Variants in RAD51B observed in about 807,000 individuals in gnomAD.
RAD51B encodes the protein DNA repair protein RAD51 homolog 2.
In RAD51B, 38 loss-of-function variants were observed where a neutral mutation model predicts 42.2. The ratio of observed to expected loss-of-function variants is 0.90; its 90% confidence interval spans 0.70 to 1.18. The LOEUF is 1.18. Among genes scored for constraint, RAD51B ranks in the 50% most tolerant of loss-of-function variants. RAD51B has a pLI of 0.00. For missense variants in RAD51B, 373 were observed against 400.7 expected, an observed-to-expected ratio of 0.93 and a Z score of 0.59; for synonymous variants, 154 against 145.2, an observed-to-expected ratio of 1.06 and a Z score of -0.43.
At chr14:67,931,340 C>T (rs952084580) in intron 7 of RAD51B, among the ~76,000 whole-genome samples, 1 of 152,050 alleles carries the variant, frequency 6.6e-6, no homozygotes, top group African/African-American at 2.4e-5. Flanking sequence ...TCTTCAGTTC[C>T]AAAATTTTGG....
At chr14:67,968,938 G>T (rs2074840431) in intron 7 of RAD51B, among the ~76,000 whole-genome samples, 1 of 152,116 alleles carries the variant, frequency 6.6e-6, no homozygotes, top group African/African-American at 2.4e-5. Context: ...GGTTTAATTG[G>T]ACTTACAGTT....
chr14:68,057,816 GTTCTT>G (rs2076501259), intron 7 of RAD51B, among the ~76,000 whole-genome samples: 1 of 103,648 alleles, frequency 9.6e-6, no homozygotes, highest in South Asian at 3.4e-4. Flanking sequence ...TAACCTTTTA[GTTCTT>G]TGTGTGTGTG....
At chr14:68,539,748 T>C (rs1017553569) in intron 10 of RAD51B, among the ~76,000 whole-genome samples, 1 of 152,226 alleles carries the variant, frequency 6.6e-6, no homozygotes, top group Non-Finnish European at 1.5e-5. Flanking sequence ...AATCATTCTT[T>C]GGCCGCTGTC....
chr14:67,831,172 G>A (rs1259155443), intron 3 of RAD51B, among the ~76,000 whole-genome samples: 2 of 151,586 alleles, frequency 1.3e-5, no homozygotes, highest in African/African-American at 4.9e-5. Context: ...ACCGCCCCCG[G>A]CCAGTACTTG....
At position 68,399,886 on chromosome 14, in the gene RAD51B, G is replaced by A. The variant is rs141036581; in HGVS notation, c.854-11538G>A. ...CAGTTTTTTCCAGGATGCAGTCCAG[G>A]ATTAGACATGGCATTTTAGTTGAAA... On this transcript the variant is annotated intron_variant, in intron 8 of 10. Coordinates refer to ENST00000471583, the MANE Select transcript of RAD51B (RefSeq NM_133510.4). 5.2e-3 allele frequency among the ~76,000 whole-genome samples: 796 copies of A among 152,286 alleles called. 4 individuals are homozygous for A. The highest frequency in any genetic ancestry group is 7.5e-3 in the Non-Finnish European group (513 of 68,016).
intron 7 of RAD51B, among the ~76,000 whole-genome samples, chr14:68,022,987 C>CT (rs1168064285): frequency 3.3e-5 from 5 of 152,142 alleles, no homozygotes; most frequent in Admixed American, 2.6e-4. Context: ...TGATCTCATT[C>CT]TTTTTTATGG....
Position 68,164,654 on chromosome 14 carries a change from G to A in RAD51B, c.757-127230G>A, listed in dbSNP as rs576273630. 3.3e-5 allele frequency among the ~76,000 whole-genome samples: 5 copies of A among 152,268 alleles called. No individual in the cohort carries two copies. The East Asian group carries it at 9.6e-4, about 29-fold the overall frequency. ...ACTGTTTTTCTGTTGGGTTGAAGTG[G>A]GAAAACAGCTTTGGAACTGCTTTTG... On this transcript the variant is annotated intron_variant, in intron 7 of 10. Coordinates refer to ENST00000471583, the MANE Select transcript of RAD51B (RefSeq NM_133510.4).
chr14:67,970,192 A>G lies in RAD51B; in HGVS notation c.756+82988A>G, dbSNP rs938970509. Among the ~76,000 whole-genome samples, 3 of 152,252 alleles carry G rather than the reference A, an allele frequency of 2.0e-5. No homozygotes were observed. The East Asian group carries it at 5.8e-4, about 29-fold the overall frequency. ...TGAAATAATAAAGATAACCACTGCC[A>G]GTTATTTTTTGCTGCTCAGTAAAGA... On this transcript the variant is annotated intron_variant, in intron 7 of 10. Transcript: ENST00000471583.
rs147229075 is a variant in RAD51B at position 68,386,672 on chromosome 14, G to T, written c.854-24752G>T. Among the ~76,000 whole-genome samples the T allele has an allele frequency of 3.7e-4, 56 of 152,218 alleles. 1 individual carries two copies. In the East Asian group the frequency reaches 0.011, roughly 29 times the overall value. ...GTCCTCTAATCCCACTGGATTGCAC[G>T]TGCCTTTTAGCACTGGAGGTTCTGA... On this transcript the variant is annotated intron_variant, in intron 8 of 10. Coordinates refer to ENST00000471583, the MANE Select transcript of RAD51B (RefSeq NM_133510.4).
At chr14:67,868,582 C>T (rs1341038099) in intron 5 of RAD51B, among the ~76,000 whole-genome samples, 2 of 152,216 alleles carry the variant, frequency 1.3e-5, no homozygotes, top group Non-Finnish European at 2.9e-5. Context: ...GTGGAGCCCA[C>T]CACAGCTCAA....
At chr14:67,820,059 A>T (rs1201061749) in intron 1 of RAD51B, among the ~76,000 whole-genome samples, 1 of 152,106 alleles carries the variant, frequency 6.6e-6, no homozygotes, top group Non-Finnish European at 1.5e-5. Flanking sequence ...TTGGTGGGGA[A>T]TGCTTGGAAG....
chr14:68,421,128 T>C (rs181414135), intron 9 of RAD51B, among the ~76,000 whole-genome samples: 2 of 152,336 alleles, frequency 1.3e-5, no homozygotes, highest in Admixed American at 1.3e-4. Context: ...TTCTTGCTTT[T>C]TTTCTCTTGC....
At chr14:68,408,675 C>T (rs982284980) in intron 8 of RAD51B, among the ~76,000 whole-genome samples, 1 of 152,164 alleles carries the variant, frequency 6.6e-6, no homozygotes, top group Non-Finnish European at 1.5e-5. Context: ...GCATTGATTT[C>T]TGGCTTCCGT....
intron 8 of RAD51B, among the ~76,000 whole-genome samples, chr14:68,347,161 G>C (rs1056801611): frequency 2.0e-5 from 3 of 152,100 alleles, no homozygotes; most frequent in Non-Finnish European, 4.4e-5. Flanking sequence ...TAGGGACAAA[G>C]TCCAAGTTAT....
chr14:68,074,103 A>G (rs532290588), intron 7 of RAD51B, among the ~76,000 whole-genome samples: 2 of 152,276 alleles, frequency 1.3e-5, no homozygotes, highest in East Asian at 1.9e-4. Context: ...TTTGTTGACA[A>G]TATTCTCAAA....
chr14:68,120,294 C>CT (rs762041297), intron 7 of RAD51B, among the ~76,000 whole-genome samples: 1 of 152,070 alleles, frequency 6.6e-6, no homozygotes, highest in Admixed American at 6.5e-5. Context: ...ATGGTAGTTT[C>CT]TTTTGCTGTG....
chr14:68,581,314 G>A (rs946433309), intron 10 of RAD51B, among the ~76,000 whole-genome samples: 7 of 152,180 alleles, frequency 4.6e-5, no homozygotes, highest in Non-Finnish European at 7.3e-5. Context: ...GGCCAATGCC[G>A]TACAGTGTGC....
At chr14:68,350,817 G>A (rs866777483) in intron 8 of RAD51B, among the ~76,000 whole-genome samples, 1 of 152,170 alleles carries the variant, frequency 6.6e-6, no homozygotes, top group Non-Finnish European at 1.5e-5. Flanking sequence ...CACCATTTTA[G>A]ATAGTGGGAT....
chr14:68,084,888 A>G (rs1396448412), intron 7 of RAD51B, among the ~76,000 whole-genome samples: 1 of 152,266 alleles, frequency 6.6e-6, no homozygotes, highest in African/African-American at 2.4e-5. Flanking sequence ...ATGGTAGACC[A>G]GTTAAGAAGC....
Sources: gnomAD v4.1 joint callset for allele counts (sites outside exome capture counted in the v4.1 genomes callset) on GRCh38, gnomAD v4.1.1 for gene constraint, MANE v1.5 for transcripts, NCBI Gene and HGNC (gene_info 2026-07-23, HGNC 2026-07-21) for gene names.